The following CCND1 variants were observed in gnomAD, a reference collection of about 807,000 sequenced individuals.
The protein encoded by CCND1 is G1/S-specific cyclin-D1.
In CCND1, 9 loss-of-function variants were observed where a neutral mutation model predicts 26.1. The observed-to-expected ratio is 0.35, with a 90% confidence interval of 0.21 to 0.60. The LOEUF is 0.60. CCND1 is among the 20% of genes least tolerant of loss of function. The pLI is 0.79. For synonymous variants in CCND1, 194 were observed against 166.1 expected, an observed-to-expected ratio of 1.17 and a Z score of -1.29; for missense variants, 335 against 392.9, an observed-to-expected ratio of 0.85 and a Z score of 1.25.
At position 69,652,397 on chromosome 11, in the gene CCND1, T is replaced by C; in HGVS notation, c.*1115T>C. On this transcript the variant is annotated 3_prime_UTR_variant, in exon 5 of 5. Transcript: ENST00000227507. ...TGGTTTGGGAATATCCATGTACTTG[T>C]TTGCAAGCAGGACTTTGAGGCAAGT... is the stretch of plus-strand genomic sequence containing the variant. 1 of 233,734 alleles carries C rather than the reference T, an allele frequency of 4.3e-6. No individual in the cohort carries two copies. The highest frequency in any genetic ancestry group is 6.0e-5 in the East Asian group (1 of 16,580). 14.5% of individuals were successfully genotyped at this position (233,734 alleles called of 1,614,324 possible). A position where few individuals can be genotyped will look rare whatever the true frequency, so the allele number is the denominator to read the frequency against.
At chr11:69,643,268 C>T (rs1329139908) in intron 2 of CCND1, 22 bp downstream of exon 2, 3 of 1,523,484 alleles carry the variant, frequency 2.0e-6, no homozygotes, top group Non-Finnish European at 1.8e-6. Context: ...ACCCCGCCGC[C>T]CCCCGCCCCC....
rs977108031 is a variant in CCND1, at chr11:69,641,624, C to A, written c.198+113C>A. The A allele has an allele frequency of 2.2e-5, 24 of 1,079,582 alleles. 1 individual carries two copies. Among genetic ancestry groups the A allele is most frequent in the Non-Finnish European group, 2.9e-5 (21 of 727,902 alleles). 66.9% of individuals were successfully genotyped at this position (1,079,582 alleles called of 1,614,324 possible). A position where few individuals can be genotyped will look rare whatever the true frequency, so the allele number is the denominator to read the frequency against. On this transcript the variant is annotated intron_variant, in intron 1 of 4. Transcript: ENST00000227507. ...TCTCCCGCTAGAACTTTGAAGTTTG[C>A]CGTGGTGTTTCTAGGGATCCGTATT...
Position 69,643,813 on chromosome 11 carries a change from G to T in CCND1, c.415-19G>T, listed in dbSNP as rs769966322. The T allele has an allele frequency of 6.3e-7, 1 of 1,593,174 alleles. No individual in the cohort carries two copies. The highest frequency in any genetic ancestry group is 8.6e-7 in the Non-Finnish European group (1 of 1,166,084). ...CTGGCCCGCACCTCCCCTGATGGCC[G>T]CTCACCCTGTGTTCGCAGCAAATGG... On this transcript the variant is annotated intron_variant, in intron 2 of 4. Coordinates refer to ENST00000227507, the MANE Select transcript of CCND1 (RefSeq NM_053056.3).
At chr11:69,644,034 G>T (rs373209985) in intron 3 of CCND1, 43 bp downstream of exon 3, 13 of 1,604,402 alleles carry the variant, frequency 8.1e-6, no homozygotes, top group Non-Finnish European at 1.1e-5. Context: ...TTGAGAGCCG[G>T]CTCCTTAGGT....
chr11:69,650,702 G>A (rs1251145302), intron 4 of CCND1, among the ~76,000 whole-genome samples: 1 of 152,244 alleles, frequency 6.6e-6, no homozygotes, highest in African/African-American at 2.4e-5. Flanking sequence ...CTGCCACATG[G>A]AGAGGTTAAG....
At position 69,654,201 on chromosome 11, in the gene CCND1, C is replaced by T. The variant is rs2120130534; in HGVS notation, c.*2919C>T. The T allele has an allele frequency of 6.4e-6, 4 of 629,348 alleles. No homozygotes were observed. In the East Asian group the frequency reaches 1.3e-4, roughly 20 times the overall value. The allele number at this position is 629,348 out of a possible 1,614,324, so 39.0% of individuals were successfully genotyped here. On this transcript the variant is annotated 3_prime_UTR_variant, in exon 5 of 5. Coordinates refer to ENST00000227507, the MANE Select transcript of CCND1 (RefSeq NM_053056.3). The surrounding 1 kb of genome is among the most constrained non-coding windows in gnomAD (Gnocchi z 6.3). ...GGCGTCTGTCTGAACCACGCGGGGG[C>T]CTTGAGGGACGCTTTGTCTGTCGTG...
At chr11:69,643,413 C>G in intron 2 of CCND1, 167 bp downstream of exon 2, 1 of 537,082 alleles carries the variant, frequency 1.9e-6, no homozygotes, top group Non-Finnish European at 3.1e-6. Flanking sequence ...GGGCGGGATC[C>G]TAGCCGCCCT....
At position 69,651,355 on chromosome 11, in the gene CCND1, T is replaced by G; in HGVS notation, c.*73T>G. 8.0e-7 allele frequency: 1 copy of G among 1,257,534 alleles called. No homozygotes were observed. The highest frequency in any genetic ancestry group is 1.0e-6 in the Non-Finnish European group (1 of 955,038). 77.9% of individuals were successfully genotyped at this position (1,257,534 alleles called of 1,614,324 possible). On this transcript the variant is annotated 3_prime_UTR_variant, in exon 5 of 5. Transcript: ENST00000227507. ...CCGGCCCCAGGTGCTCCCCTGACAG[T>G]CCCTCCTCTCCGGAGCATTTTGATA...
Position 69,643,861 on chromosome 11 carries a change from C to G in CCND1, c.444C>G (p.Leu148=), listed in dbSNP as rs759031493. The G allele has an allele frequency of 2.5e-6, 4 of 1,612,368 alleles. No individual in the cohort carries two copies. The South Asian group carries it at 4.4e-5, about 18-fold the overall frequency. Residue 148 remains leucine (L), a synonymous_variant, in exon 3 of 5, where the codon CTC becomes CTG. Coordinates refer to ENST00000227507, the MANE Select transcript of CCND1 (RefSeq NM_053056.3). The stretch of plus-strand genomic sequence containing the variant: ...TGGAGCTGCTCCTGGTGAACAAGCT[C>G]AAGTGGAACCTGGCCGCAATGACCC... ...LQMELLLVNK[L]KWNLAAMTPH...
chr11:69,646,343 G>A (rs1005285481), intron 3 of CCND1, among the ~76,000 whole-genome samples: 5 of 152,174 alleles, frequency 3.3e-5, no homozygotes, highest in Admixed American at 6.5e-5. Flanking sequence ...CCAGCAGCCG[G>A]CTTTGTCTCC....
At chr11:69,650,681 C>G (rs1024339815) in intron 4 of CCND1, among the ~76,000 whole-genome samples, 4 of 152,234 alleles carry the variant, frequency 2.6e-5, no homozygotes, top group African/African-American at 9.6e-5. Context: ...AGGCCAGGTT[C>G]ACCTCAAGGG....
rs1855698977 is a variant in CCND1 at position 69,641,462 on chromosome 11, A to G, written c.149A>G (p.Lys50Arg). 4 of 1,613,436 alleles carry G rather than the reference A, an allele frequency of 2.5e-6. No individual in the cohort carries two copies. Among genetic ancestry groups the G allele is most frequent in the Middle Eastern group, 3.3e-4 (2 of 6,062 alleles). ...PSVSYFKCVQ[K>R]EVLPSMRKIV... ...GTGTCCTACTTCAAATGTGTGCAGA[A>G]GGAGGTCCTGCCGTCCATGCGGAAG... The change falls in exon 1 of 5, where the codon AAG becomes AGG. Residue 50 changes from lysine (K) to arginine (R), a missense_variant. Transcript: ENST00000227507.
chr11:69,649,585 C>T (rs1275070506), intron 4 of CCND1, among the ~76,000 whole-genome samples: 3 of 152,234 alleles, frequency 2.0e-5, no homozygotes, highest in Admixed American at 1.3e-4. Flanking sequence ...CTGTGCAAAT[C>T]GGGTGCGCAG....
At chr11:69,648,362 A>G (rs183501442) in intron 4 of CCND1, 5,635 of 560,766 alleles carry the variant, frequency 0.01, 54 homozygotes, top group Non-Finnish European at 0.013. Flanking sequence ...CAGCCTTCTC[A>G]CGTCCCCTGG....
In CCND1 at chr11:69,643,102, G is replaced by T; in HGVS notation, c.270G>T (p.Ser90=). 1.2e-6 allele frequency: 2 copies of T among 1,611,154 alleles called. No individual in the cohort carries two copies. The highest frequency in any genetic ancestry group is 1.1e-5 in the South Asian group (1 of 90,594). ...LAMNYLDRFL[S]LEPVKKSRLQ... ...TGAACTACCTGGACCGCTTCCTGTCGCTGGAGCCCGTGAAAAAGAGCCGCC... is the reference window on the plus strand; with the variant it reads ...TGAACTACCTGGACCGCTTCCTGTCTCTGGAGCCCGTGAAAAAGAGCCGCC... The change falls in exon 2 of 5, where the codon TCG becomes TCT. Residue 90 remains serine (S), a synonymous_variant. Transcript: ENST00000227507.
intron 3 of CCND1, among the ~76,000 whole-genome samples, chr11:69,647,008 G>C (rs34403558): frequency 6.6e-6 from 1 of 152,278 alleles, no homozygotes; most frequent in Non-Finnish European, 1.5e-5. Flanking sequence ...AGATGTGCGG[G>C]ACAGTCCCCA....
intron 4 of CCND1, among the ~76,000 whole-genome samples, chr11:69,650,552 G>A (rs1855840849): frequency 6.6e-6 from 1 of 152,214 alleles, no homozygotes; most frequent in Non-Finnish European, 1.5e-5. Context: ...TGGCCCCGGG[G>A]CACAGGCCTG....
rs1855865612 is a variant in CCND1 at position 69,652,270 on chromosome 11, A to G, written c.*988A>G. The G allele has an allele frequency of 4.3e-6, 1 of 233,706 alleles. No individual in the cohort carries two copies. Among genetic ancestry groups the G allele is most frequent in the East Asian group, 6.0e-5 (1 of 16,598 alleles). 14.5% of individuals were successfully genotyped at this position (233,706 alleles called of 1,614,324 possible). ...AGCTACTTGGTTTGTGTTCTTCTTC[A>G]TATTCTAAAACCATTCCATTTCCAA... is the stretch of plus-strand genomic sequence containing the variant. On this transcript the variant is annotated 3_prime_UTR_variant, in exon 5 of 5. Coordinates refer to ENST00000227507, the MANE Select transcript of CCND1 (RefSeq NM_053056.3).
chr11:69,646,505 G>C (rs1264583464), intron 3 of CCND1, among the ~76,000 whole-genome samples: 1 of 152,124 alleles, frequency 6.6e-6, no homozygotes, highest in Non-Finnish European at 1.5e-5. Flanking sequence ...TGCCTGGGTC[G>C]GCTCCCATTC....
Sources: allele counts gnomAD v4.1 joint callset (sites outside exome capture counted in the v4.1 genomes callset), GRCh38; gene constraint gnomAD v4.1.1; non-coding constraint Gnocchi (gnomAD v3.1); transcripts MANE v1.5; gene names NCBI Gene and HGNC (gene_info 2026-07-23, HGNC 2026-07-21).